Variants in EMB observed in about 807,000 individuals in gnomAD.
EMB encodes embigin homolog.
In EMB, 31 loss-of-function variants were observed where a neutral mutation model predicts 41.4. The observed-to-expected ratio is 0.75, with a 90% CI of 0.56 to 1.01. EMB has a LOEUF of 1.01. EMB is among the 50% of genes least tolerant of loss of function. The probability of loss-of-function intolerance (pLI) is 0.00; values close to 1 mark genes in which losing one functional copy is unlikely to be tolerated. For missense variants in EMB, 379 were observed against 388.3 expected (o/e 0.98, Z 0.20); for synonymous variants, 137 against 140.4 (o/e 0.98, Z 0.17).
intron 2 of EMB, among the ~76,000 whole-genome samples, chr5:50,420,624 C>T (rs1475928278): frequency 1.3e-5 from 2 of 152,198 alleles, no homozygotes; most frequent in African/African-American, 4.8e-5. Context: ...TGTTTACTTA[C>T]TTATCCATTG....
At chr5:50,438,241 C>T (rs1054694754) in intron 1 of EMB, among the ~76,000 whole-genome samples, 3 of 152,206 alleles carry the variant, frequency 2.0e-5, no homozygotes, top group Non-Finnish European at 4.4e-5. Flanking sequence ...TAAGCAATTA[C>T]TTGGGCAATT....
upstream of EMB, chr5:50,443,140 C>T (rs1745941833): frequency 6.6e-6 from 1 of 152,096 alleles, no homozygotes; most frequent in African/African-American, 2.4e-5. Flanking sequence ...TCCTTTAAAA[C>T]AAGCTTATTG....
At chr5:50,437,393 A>G (rs1327674823) in intron 1 of EMB, among the ~76,000 whole-genome samples, 7 of 152,168 alleles carry the variant, frequency 4.6e-5, no homozygotes, top group Admixed American at 1.3e-4. Context: ...AAGCTTCTCC[A>G]CCATAAAGTT....
intron 1 of EMB, among the ~76,000 whole-genome samples, chr5:50,429,185 C>T (rs1298173754): frequency 6.6e-6 from 1 of 152,250 alleles, no homozygotes; most frequent in African/African-American, 2.4e-5. Context: ...TGAGCCACCA[C>T]ACCTGGCCAA....
chr5:50,431,245 T>C lies in EMB; in HGVS notation c.113-3018A>G, dbSNP rs1056020838. ...TAAAGAGGCAATATACAGAAATGCC[T>C]TAAGTGGAAAAGCAGGGCAACCTAC... On this transcript the variant is annotated intron_variant, in intron 1 of 8. Transcript: ENST00000303221. Among the ~76,000 whole-genome samples, 11 of 152,302 alleles carry C rather than the reference T, an allele frequency of 7.2e-5. 1 individual carries two copies. Among genetic ancestry groups the C allele is most frequent in the Middle Eastern group, 6.8e-3 (2 of 294 alleles).
rs1417112912 is a variant in EMB at position 50,403,080 on chromosome 5, A to G, written c.877+98T>C. ...CCCCAAAAATCCTAAAGTCATTGCAATGTATCAAATCATAATCCATATCAT... is the reference window on the plus strand; with the variant it reads ...CCCCAAAAATCCTAAAGTCATTGCAGTGTATCAAATCATAATCCATATCAT... On this transcript the variant is annotated intron_variant, in intron 6 of 8. Coordinates refer to ENST00000303221, the MANE Select transcript of EMB (RefSeq NM_198449.3). The G allele has an allele frequency of 2.6e-6, 3 of 1,137,988 alleles. No individual in the cohort carries two copies. In the East Asian group the frequency reaches 7.8e-5, roughly 30 times the overall value. The allele number at this position is 1,137,988 out of a possible 1,614,324, so 70.5% of individuals were successfully genotyped here. A position where few individuals can be genotyped will look rare whatever the true frequency, so the allele number is the denominator to read the frequency against.
Position 50,432,929 on chromosome 5 carries a change from T to A in EMB, c.113-4702A>T, listed in dbSNP as rs187018646. ...CCGTCTCTACTAAAAATACAAAAAA[T>A]TAGCCAGGCATGGTGGCATGCACCT... On this transcript the variant is annotated intron_variant, in intron 1 of 8. Transcript: ENST00000303221. Among the ~76,000 whole-genome samples, 54 of 151,814 alleles carry A rather than the reference T, an allele frequency of 3.6e-4. 1 individual carries two copies. Among genetic ancestry groups the A allele is most frequent in the East Asian group, 2.5e-3 (13 of 5,160 alleles).
intron 7 of EMB, among the ~76,000 whole-genome samples, chr5:50,401,601 C>T (rs940594212): frequency 6.6e-6 from 1 of 151,954 alleles, no homozygotes; most frequent in African/African-American, 2.4e-5. Flanking sequence ...TTCGGAACTC[C>T]CATCTTTGCC....
At chr5:50,428,102 C>T (rs754854077) in intron 2 of EMB, 42 bp downstream of exon 2, 4 of 1,440,278 alleles carry the variant, frequency 2.8e-6, no homozygotes, top group Non-Finnish European at 3.9e-6. Flanking sequence ...TTGCTTAAAC[C>T]CTTTTTTTCG....
Position 50,411,384 on chromosome 5 carries a change from C to A in EMB, c.197-1G>T. ...TTTTCTACTGGCATACTAGAATGTT[C>A]TATTAGCACAAAAGAGGACAAAATG... is the stretch of plus-strand genomic sequence containing the variant. On this transcript the variant is annotated splice_acceptor_variant, in intron 2 of 8. Transcript: ENST00000303221. LOFTEE classifies it high-confidence loss of function. The A allele has an allele frequency of 6.3e-7, 1 of 1,576,950 alleles. No individual in the cohort carries two copies. Among genetic ancestry groups the A allele is most frequent in the South Asian group, 1.2e-5 (1 of 84,726 alleles).
rs539684584 is a variant in EMB, at chr5:50,403,158, A to G, written c.877+20T>C. On this transcript the variant is annotated intron_variant, in intron 6 of 8. Coordinates refer to ENST00000303221, the MANE Select transcript of EMB (RefSeq NM_198449.3). ...TAATACTTTCTAAAAAAAACAAAAA[A>G]CAAAAAAAAGAAATCCCACCTGAGT... 1.3e-6 allele frequency: 2 copies of G among 1,561,316 alleles called. No individual in the cohort carries two copies. Among genetic ancestry groups the G allele is most frequent in the Middle Eastern group, 1.7e-4 (1 of 5,766 alleles).
At chr5:50,411,529 T>G (rs1579726438) in intron 2 of EMB, 146 bp from the exon 3 acceptor site, 6 of 592,538 alleles carry the variant, frequency 1.0e-5, no homozygotes, top group African/African-American at 1.9e-5. Context: ...ATCAACATAG[T>G]TGGTTCCCTT....
At chr5:50,432,619 G>T (rs1745738603) in intron 1 of EMB, among the ~76,000 whole-genome samples, 1 of 151,754 alleles carries the variant, frequency 6.6e-6, no homozygotes, top group Non-Finnish European at 1.5e-5. Flanking sequence ...GGAGAATTAT[G>T]GGTTTTAGGA....
intron 1 of EMB, among the ~76,000 whole-genome samples, chr5:50,434,434 A>G (rs1745771177): frequency 6.6e-6 from 1 of 152,206 alleles, no homozygotes; most frequent in Non-Finnish European, 1.5e-5. Flanking sequence ...TTCTCTCCCA[A>G]GAACACCCTC....
intron 2 of EMB, among the ~76,000 whole-genome samples, chr5:50,425,752 C>CCA (rs1561138441): frequency 5.3e-5 from 8 of 149,884 alleles, no homozygotes; most frequent in Non-Finnish European, 1.0e-4. Flanking sequence ...GGCACAATCT[C>CCA]GGCTCGCTGC....
intron 2 of EMB, among the ~76,000 whole-genome samples, chr5:50,417,016 C>A (rs1242332663): frequency 1.3e-5 from 2 of 152,192 alleles, no homozygotes; most frequent in African/African-American, 4.8e-5. Context: ...TACCCCTGCT[C>A]TGAAGGAGAA....
intron 1 of EMB, among the ~76,000 whole-genome samples, chr5:50,432,894 T>A (rs945444357): frequency 1.3e-5 from 2 of 151,822 alleles, no homozygotes; most frequent in Non-Finnish European, 2.9e-5. Flanking sequence ...CTGGCCAGCA[T>A]GGTGAAACCC....
chr5:50,424,662 A>G (rs1377526281), intron 2 of EMB, among the ~76,000 whole-genome samples: 1 of 152,156 alleles, frequency 6.6e-6, no homozygotes, highest in Non-Finnish European at 1.5e-5. Flanking sequence ...AGTGGGGATA[A>G]TTTTCAAATG....
At chr5:50,413,805 T>A (rs1232929540) in intron 2 of EMB, among the ~76,000 whole-genome samples, 2 of 152,140 alleles carry the variant, frequency 1.3e-5, no homozygotes, top group African/African-American at 4.8e-5. Flanking sequence ...CTCAAACTCC[T>A]GACCTCAGGC....
Sources: gnomAD v4.1 joint callset for allele counts (sites outside exome capture counted in the v4.1 genomes callset) on GRCh38, gnomAD v4.1.1 for gene constraint, MANE v1.5 for transcripts, NCBI Gene and HGNC (gene_info 2026-07-23, HGNC 2026-07-21) for gene names.